CORO7: variants seen among roughly 807,000 people sequenced by gnomAD.
CORO7 encodes the protein coronin 7.
In CORO7, 107 loss-of-function variants were observed where a neutral mutation model predicts 126.6. The ratio of observed to expected loss-of-function variants is 0.85; its 90% confidence interval spans 0.72 to 0.99. The LOEUF (loss-of-function observed/expected upper bound fraction) is 0.99, where lower values mean the gene tolerates loss of function less well. Among genes scored for constraint, CORO7 ranks in the 50% least tolerant of loss-of-function variants. CORO7 has a pLI of 0.00. For synonymous variants in CORO7, 603 were observed against 536.8 expected (o/e 1.12, Z -1.70); for missense variants, 1,314 against 1,255.8 (o/e 1.05, Z -0.70).
chr16:4,368,207 T>C (rs1483380238), intron 9 of CORO7, among the ~76,000 whole-genome samples: 2 of 150,560 alleles, frequency 1.3e-5, no homozygotes, highest in African/African-American at 4.9e-5. Context: ...ATTGGCCAAG[T>C]GTGGTGGTGT....
chr16:4,362,232 C>T lies in CORO7; in HGVS notation c.1403-72G>A, dbSNP rs951170278. 1.2e-5 allele frequency: 18 copies of T among 1,520,784 alleles called. No homozygotes were observed. Among genetic ancestry groups the T allele is most frequent in the Middle Eastern group, 2.4e-4 (1 of 4,104 alleles). The allele number at this position is 1,520,784 out of a possible 1,614,324, so 94.2% of individuals were successfully genotyped here. On this transcript the variant is annotated intron_variant, in intron 15 of 27. Transcript: ENST00000251166. This position sits in a 1 kb window ranked among gnomAD's most constrained non-coding sequence, Gnocchi z 5.3. The stretch of plus-strand genomic sequence containing the variant: ...CGCCCGCCCTGCACTCTTTGAGTCC[C>T]GGCTGCCCACTCCCCTCACCCCAGG...
Position 4,355,270 on chromosome 16 carries a change from G to T in CORO7, c.2772+16C>A. ...ACCGCGCTGCCTGCCGGGAAGTGAG[G>T]CCACTCACTACTCACCCACTCGTCC... On this transcript the variant is annotated intron_variant, in intron 27 of 27. Transcript: ENST00000251166. The T allele has an allele frequency of 6.2e-7, 1 of 1,613,086 alleles. No homozygotes were observed. Among genetic ancestry groups the T allele is most frequent in the Non-Finnish European group, 8.5e-7 (1 of 1,179,760 alleles).
chr16:4,361,700 G>A (rs575142956), intron 16 of CORO7: 25 of 787,004 alleles, frequency 3.2e-5, no homozygotes, highest in South Asian at 1.6e-4. Context: ...GAAAAGCTCC[G>A]GCTTAGGGCT....
chr16:4,411,437 C>T (rs2056203823), intron 3 of CORO7, among the ~76,000 whole-genome samples: 1 of 152,020 alleles, frequency 6.6e-6, no homozygotes, highest in Non-Finnish European at 1.5e-5. Flanking sequence ...CCTGGTGGAT[C>T]ACACCTGTAA....
At chr16:4,412,677 G>T (rs1399821230) in intron 2 of CORO7, 2 of 528,570 alleles carry the variant, frequency 3.8e-6, no homozygotes, top group East Asian at 6.2e-5. Flanking sequence ...TTTTAACACG[G>T]GTCATACGAA....
chr16:4,410,303 T>C lies in CORO7; in HGVS notation c.233-2052A>G, dbSNP rs1477792357. ...AGCTGGGCATGGTGGTGTGTGCCTA[T>C]AGTCCCAGCTACTAGGGAGGCTGAG... On this transcript the variant is annotated intron_variant, in intron 3 of 27. Coordinates refer to ENST00000251166, the MANE Select transcript of CORO7 (RefSeq NM_024535.5). Among the ~76,000 whole-genome samples the C allele has an allele frequency of 3.9e-5, 6 of 152,102 alleles. No homozygotes were observed. In the South Asian group the frequency reaches 6.2e-4, roughly 16 times the overall value.
In CORO7 at chr16:4,354,974, G is replaced by A. The variant is rs1342188500; in HGVS notation, c.*184C>T. 5.3e-6 allele frequency: 3 copies of A among 566,490 alleles called. No homozygotes were observed. Among genetic ancestry groups the A allele is most frequent in the Admixed American group, 3.4e-5 (1 of 29,158 alleles). 35.1% of individuals were successfully genotyped at this position (566,490 alleles called of 1,614,324 possible). On this transcript the variant is annotated 3_prime_UTR_variant, in exon 28 of 28. Coordinates refer to ENST00000251166, the MANE Select transcript of CORO7 (RefSeq NM_024535.5). ...GCAGCAGCTGACCCCAGAGACAGCA[G>A]AGGTGAAAACAGTCCCTGGGAACTG...
chr16:4,391,272 C>T (rs1401464985), intron 7 of CORO7, among the ~76,000 whole-genome samples: 1 of 152,014 alleles, frequency 6.6e-6, no homozygotes, highest in Non-Finnish European at 1.5e-5. Context: ...AAAACAAACA[C>T]TAGGCCGGCA....
intron 9 of CORO7, chr16:4,380,832 TCA>T (rs1342831070): frequency 1.9e-5 from 27 of 1,434,794 alleles, no homozygotes; most frequent in Middle Eastern, 2.4e-4. Flanking sequence ...GGCCCCTGAC[TCA>T]CAGTCTTCTG....
rs559668575 is a variant in CORO7 at position 4,382,602 on chromosome 16, G to C, written c.785+5384C>G. The C allele has an allele frequency of 3.1e-6, 5 of 1,588,910 alleles. No individual in the cohort carries two copies. In the East Asian group the frequency reaches 1.2e-4, roughly 37 times the overall value. Reference sequence around the variant, plus strand: ...CCCAGGCCCGCGAGGGCAACCTGCCGCTCCTCATTGCGCCCGCCCTGGCCG... The same window carrying C: ...CCCAGGCCCGCGAGGGCAACCTGCCCCTCCTCATTGCGCCCGCCCTGGCCG... On this transcript the variant is annotated intron_variant, in intron 9 of 27. Coordinates refer to ENST00000251166, the MANE Select transcript of CORO7 (RefSeq NM_024535.5).
chr16:4,400,973 C>T (rs1159720341), intron 6 of CORO7, among the ~76,000 whole-genome samples: 2 of 152,012 alleles, frequency 1.3e-5, no homozygotes, highest in Non-Finnish European at 2.9e-5. Flanking sequence ...AAACTGTTCT[C>T]GAAAATAGTC....
chr16:4,408,672 C>G (rs1287550852), intron 3 of CORO7, among the ~76,000 whole-genome samples: 1 of 152,170 alleles, frequency 6.6e-6, no homozygotes, highest in African/African-American at 2.4e-5. Flanking sequence ...ACCAAAGAAC[C>G]TGAATGGTGG....
At chr16:4,356,449 T>C (rs994770776) in intron 26 of CORO7, 6 of 152,072 alleles carry the variant, frequency 3.9e-5, no homozygotes, top group African/African-American at 1.4e-4. Flanking sequence ...TATTTATTTA[T>C]TGAGACGGAG....
At chr16:4,359,245 G>A in intron 23 of CORO7, 51 bp downstream of exon 23, 4 of 1,525,144 alleles carry the variant, frequency 2.6e-6, no homozygotes, top group South Asian at 2.6e-5. Context: ...CCACCAGGGG[G>A]CAGGGCAGCC....
chr16:4,356,584 C>T (rs2053983480), intron 26 of CORO7: 1 of 154,228 alleles, frequency 6.5e-6, no homozygotes, highest in African/African-American at 2.4e-5. Context: ...AGGCGCCCGC[C>T]ACCATGCCCG....
At chr16:4,359,777 T>TGGCGCCGCCCCTCCTCACTG in intron 21 of CORO7, 156 bp from the exon 22 acceptor site, 1 of 993,644 alleles carries the variant, frequency 1.0e-6, no homozygotes, top group Non-Finnish European at 1.4e-6. Context: ...CCCCTCCACC[T>TGGCGCCGCCCCTCCTCACTG]CTGGGTTCCC....
At position 4,361,707 on chromosome 16, in the gene CORO7, G is replaced by T. The variant is rs903481760; in HGVS notation, c.1579-238C>A. The T allele has an allele frequency of 8.9e-6, 7 of 785,408 alleles. No homozygotes were observed. The African/African-American group carries it at 1.2e-4, about 13-fold the overall frequency. The allele number at this position is 785,408 out of a possible 1,614,324, so 48.7% of individuals were successfully genotyped here. A position where few individuals can be genotyped will look rare whatever the true frequency, so the allele number is the denominator to read the frequency against. On this transcript the variant is annotated intron_variant, in intron 16 of 27. Transcript: ENST00000251166. ...ACTGGCGGGAAAAGCTCCGGCTTAGGGCTCAGGTGGCCGGGCTTCGGATCC... is the reference window on the plus strand; with the variant it reads ...ACTGGCGGGAAAAGCTCCGGCTTAGTGCTCAGGTGGCCGGGCTTCGGATCC...
intron 9 of CORO7, chr16:4,382,449 G>C (rs761402240): frequency 6.2e-7 from 1 of 1,609,536 alleles, no homozygotes; most frequent in East Asian, 2.2e-5. Flanking sequence ...CGGTCACCCA[G>C]CTGCGGCCCA....
chr16:4,355,313 G>T lies in CORO7; in HGVS notation c.2745C>A (p.Ser915=). The T allele has an allele frequency of 2.5e-6, 4 of 1,613,344 alleles. No homozygotes were observed. Among genetic ancestry groups the T allele is most frequent in the Non-Finnish European group, 3.4e-6 (4 of 1,179,950 alleles). ...ACTCGTCCTCGTCCACGCCTTCAAAGGAGTCCTGGGGGAGTGGGTCCTCCC... is the reference window on the plus strand; with the variant it reads ...ACTCGTCCTCGTCCACGCCTTCAAATGAGTCCTGGGGGAGTGGGTCCTCCC... The part of the protein sequence containing the change: ...GNREDPLPQD[S]FEGVDEDEWD Residue 915 remains serine, a synonymous_variant, in exon 27 of 28, where the codon TCC becomes TCA. Transcript: ENST00000251166.
Sources: gnomAD v4.1 joint callset for allele counts (sites outside exome capture counted in the v4.1 genomes callset) on GRCh38, gnomAD v4.1.1 for gene constraint, Gnocchi (gnomAD v3.1) non-coding constraint, MANE v1.5 for transcripts, NCBI Gene and HGNC (gene_info 2026-07-23, HGNC 2026-07-21) for gene names.